The following MTR variants were observed in gnomAD, a reference collection of about 807,000 sequenced individuals.
MTR encodes methionine synthase.
Under a neutral mutation model 154.8 loss-of-function variants are expected in MTR, and 84 were observed. The observed-to-expected ratio is 0.54, with a 90% CI of 0.45 to 0.65. The LOEUF (loss-of-function observed/expected upper bound fraction) is 0.65. Ranked by LOEUF, MTR falls within the 30% of genes least tolerant of loss-of-function variation. MTR has a pLI of 0.00. For synonymous variants in MTR, 554 were observed against 553.9 expected (o/e 1.00, Z 0.00); for missense variants, 1,275 against 1,570.2 (o/e 0.81, Z 3.18).
intron 8 of MTR, among the ~76,000 whole-genome samples, chr1:236,821,884 TTC>T (rs1661974444): frequency 6.6e-6 from 1 of 152,240 alleles, no homozygotes; most frequent in Non-Finnish European, 1.5e-5. Flanking sequence ...GTGGTTCTAT[TTC>T]TGGACTCTAT....
At chr1:236,854,122 A>G (rs1188532620) in intron 18 of MTR, among the ~76,000 whole-genome samples, 1 of 152,210 alleles carries the variant, frequency 6.6e-6, no homozygotes, top group East Asian at 1.9e-4. Flanking sequence ...TGCCTCTTCC[A>G]CAGAAGAGTA....
Position 236,891,019 on chromosome 1 carries a change from G to C in MTR, c.3008-114G>C, listed in dbSNP as rs115521617. The C allele has an allele frequency of 3.9e-3, 4,732 of 1,225,674 alleles. 28 individuals are homozygous for C. The highest frequency in any genetic ancestry group is 4.8e-3 in the Non-Finnish European group (4,043 of 834,938). 75.9% of individuals were successfully genotyped at this position (1,225,674 alleles called of 1,614,324 possible). On this transcript the variant is annotated intron_variant, in intron 28 of 32. Transcript: ENST00000366577. ...CACCAGAAAGCATTTGAGGAAAATG[G>C]AGAAGCCTGAAGAGGGAAGGTGACT...
rs1419314302 is a variant in MTR at position 236,813,075 on chromosome 1, A to T, written c.609+231A>T. ...TCTAATTATGAAAATAAATATTTTC[A>T]TATATAGCTAGTATAAATGCATATA... On this transcript the variant is annotated intron_variant, in intron 6 of 32. Coordinates refer to ENST00000366577, the MANE Select transcript of MTR (RefSeq NM_000254.3). 2.4e-4 allele frequency among the ~76,000 whole-genome samples: 36 copies of T among 152,254 alleles called. 1 individual carries two copies. Among genetic ancestry groups the T allele is most frequent in the Admixed American group, 2.4e-3 (36 of 15,288 alleles).
intron 22 of MTR, among the ~76,000 whole-genome samples, chr1:236,869,663 T>C (rs1356784828): frequency 2.0e-5 from 3 of 151,238 alleles, no homozygotes; most frequent in African/African-American, 4.9e-5. Context: ...TGAGGGAGAG[T>C]CAAGGAAGAT....
chr1:236,825,521 T>G, intron 10 of MTR, 122 bp downstream of exon 10: 1 of 1,021,146 alleles, frequency 9.8e-7, no homozygotes, highest in Non-Finnish European at 1.5e-6. Flanking sequence ...CAAAGAAAAG[T>G]TTAGCTATCC....
At chr1:236,825,776 G>A (rs537715960) in intron 10 of MTR, among the ~76,000 whole-genome samples, 27 of 152,250 alleles carry the variant, frequency 1.8e-4, no homozygotes, top group Admixed American at 5.2e-4. Context: ...CATGATTCTC[G>A]CTGTCTGTCA....
At chr1:236,882,035 T>G (rs1665764748) in intron 25 of MTR, among the ~76,000 whole-genome samples, 1 of 152,220 alleles carries the variant, frequency 6.6e-6, no homozygotes, top group Non-Finnish European at 1.5e-5. Context: ...TCTCCTTCAT[T>G]AAAAAGGATA....
intron 14 of MTR, among the ~76,000 whole-genome samples, chr1:236,836,393 G>T (rs1318518660): frequency 6.6e-6 from 1 of 151,898 alleles, no homozygotes; most frequent in African/African-American, 2.4e-5. Context: ...CCACAGGCAC[G>T]CATCATTTAA....
chr1:236,809,391 G>C (rs1417767928), intron 4 of MTR, among the ~76,000 whole-genome samples: 2 of 152,204 alleles, frequency 1.3e-5, no homozygotes, highest in African/African-American at 4.8e-5. Flanking sequence ...AGGAGGCTTT[G>C]AGGGAGGGAA....
intron 15 of MTR, among the ~76,000 whole-genome samples, chr1:236,842,799 T>TAA (rs1553317630): frequency 1.3e-5 from 2 of 149,850 alleles, no homozygotes; most frequent in African/African-American, 2.4e-5. Flanking sequence ...TATATATATA[T>TAA]AATTGGCCAG....
Position 236,895,446 on chromosome 1 carries a change from G to A in MTR, c.3494G>A (p.Arg1165Lys). The part of the protein sequence containing the change: ...SEQLDVADLR[R>K]LRYKGIRPAP... The stretch of plus-strand genomic sequence containing the variant: ...CAGCTGGACGTCGCAGACCTGCGCA[G>A]GCTGCGGTACAAGGGCATCCGCCCG... Residue 1165 changes from arginine to lysine, a missense_variant, in exon 31 of 33, where the codon AGG becomes AAG. Transcript: ENST00000366577. The A allele has an allele frequency of 1.9e-6, 3 of 1,601,442 alleles. No homozygotes were observed. The highest frequency in any genetic ancestry group is 1.1e-5 in the South Asian group (1 of 88,704).
chr1:236,889,177 G>T lies in MTR; in HGVS notation c.2852-4G>T. On this transcript the variant is annotated splice_polypyrimidine_tract_variant and splice_region_variant and intron_variant, in intron 27 of 32. Coordinates refer to ENST00000366577, the MANE Select transcript of MTR (RefSeq NM_000254.3). ...GCATTGACAACCATACTTCTCTCCT[G>T]TAGTGAAGCCCACGTTTATTGGGAC... 6.2e-7 allele frequency: 1 copy of T among 1,614,160 alleles called. No homozygotes were observed.
intron 22 of MTR, among the ~76,000 whole-genome samples, chr1:236,868,997 T>C (rs1461906225): frequency 2.0e-5 from 3 of 152,214 alleles, no homozygotes; most frequent in Non-Finnish European, 4.4e-5. Flanking sequence ...CTGGCACTAC[T>C]TAAGTACAGG....
At chr1:236,798,516 C>T (rs10495385) in intron 1 of MTR, among the ~76,000 whole-genome samples, 12,253 of 152,216 alleles carry the variant, frequency 0.08, 1,027 homozygotes, top group African/African-American at 0.21. Flanking sequence ...AATATATTGG[C>T]TAAATCCACT....
At chr1:236,830,633 G>A (rs1662556996) in intron 12 of MTR, among the ~76,000 whole-genome samples, 1 of 152,168 alleles carries the variant, frequency 6.6e-6, no homozygotes, top group Admixed American at 6.5e-5. Flanking sequence ...TAAGTACTTT[G>A]TGTGAGATGC....
intron 25 of MTR, among the ~76,000 whole-genome samples, 184 bp from the exon 26 acceptor site, chr1:236,884,937 G>A (rs948301192): frequency 4.6e-5 from 7 of 152,152 alleles, no homozygotes; most frequent in African/African-American, 1.2e-4. Context: ...CTTGTGCAGG[G>A]TTTGAACATC....
Position 236,803,565 on chromosome 1 carries a change from G to C in MTR, c.172G>C (p.Asp58His), listed in dbSNP as rs1660809570. The change falls in exon 2 of 33, where the codon GAT becomes CAT. Residue 58 changes from aspartate (D) to histidine (H), a missense_variant. Transcript: ENST00000366577. ...ACACTTCCGAGGTCAGGAATTTAAA[G>C]ATCATGCCAGGCCGCTGAAAGGCAA... is the stretch of plus-strand genomic sequence containing the variant. Reference protein sequence around the residue: ...EEHFRGQEFKDHARPLKGNND... With the variant: ...EEHFRGQEFKHHARPLKGNND... 1 of 1,614,174 alleles carries C rather than the reference G, an allele frequency of 6.2e-7. No homozygotes were observed. Among genetic ancestry groups the C allele is most frequent in the Non-Finnish European group, 8.5e-7 (1 of 1,180,026 alleles).
rs1558288402 is a variant in MTR, at chr1:236,824,220, G to T, written c.865+1G>T. On this transcript the variant is annotated splice_donor_variant, in intron 9 of 32. Coordinates refer to ENST00000366577, the MANE Select transcript of MTR (RefSeq NM_000254.3). LOFTEE classifies it high-confidence loss of function. ...TATGTCCTCTGTTATCCCAATGCAG[G>T]TGTGTGTTTCAAGGGGGTCACACAT... is the stretch of plus-strand genomic sequence containing the variant. 2 of 1,611,008 alleles carry T rather than the reference G, an allele frequency of 1.2e-6. No individual in the cohort carries two copies. Among genetic ancestry groups the T allele is most frequent in the Non-Finnish European group, 1.7e-6 (2 of 1,177,218 alleles).
At chr1:236,815,165 T>A (rs1396170392) in intron 6 of MTR, among the ~76,000 whole-genome samples, 1 of 152,086 alleles carries the variant, frequency 6.6e-6, no homozygotes, top group African/African-American at 2.4e-5. Context: ...GCAGGGACAT[T>A]CTTATTTATT....
Sources: allele counts gnomAD v4.1 joint callset (sites outside exome capture counted in the v4.1 genomes callset), GRCh38; gene constraint gnomAD v4.1.1; transcripts MANE v1.5; gene names NCBI Gene and HGNC (gene_info 2026-07-23, HGNC 2026-07-21).